Variants in PIGK observed in about 807,000 individuals in gnomAD.
The protein encoded by PIGK is phosphatidylinositol glycan anchor biosynthesis class K, also known as GPI-anchor transamidase.
PIGK carries 42 observed loss-of-function variants against 50.6 expected under a neutral mutation model. That is an observed-to-expected ratio of 0.83 (90% confidence interval 0.65 to 1.07). The LOEUF (loss-of-function observed/expected upper bound fraction) is 1.07, where lower values mean the gene tolerates loss of function less well. PIGK is among the 50% of genes least tolerant of loss of function. The pLI is 0.00. For missense variants in PIGK, 448 were observed against 488.7 expected (o/e 0.92, Z 0.78); for synonymous variants, 151 against 156.0 (o/e 0.97, Z 0.24).
intron 10 of PIGK, among the ~76,000 whole-genome samples, chr1:77,117,419 A>G (rs1454949638): frequency 6.6e-6 from 1 of 152,256 alleles, no homozygotes; most frequent in Non-Finnish European, 1.5e-5. Context: ...ACATCACTCC[A>G]TTGCTTTCTG....
At chr1:77,165,279 A>G (rs1484156181) in intron 5 of PIGK, among the ~76,000 whole-genome samples, 1 of 152,162 alleles carries the variant, frequency 6.6e-6, no homozygotes, top group African/African-American at 2.4e-5. Context: ...AAAAAACTGC[A>G]CTTCATCTTG....
chr1:77,156,864 G>C (rs969062848), intron 8 of PIGK, among the ~76,000 whole-genome samples: 2 of 152,156 alleles, frequency 1.3e-5, no homozygotes, highest in Admixed American at 6.5e-5. Context: ...TGGAGTGTAA[G>C]ATGAATATAA....
At chr1:77,197,607 T>G (rs1656065365) in intron 3 of PIGK, among the ~76,000 whole-genome samples, 1 of 152,226 alleles carries the variant, frequency 6.6e-6, no homozygotes, top group Admixed American at 6.5e-5. Context: ...TATTACTTCT[T>G]TGTTGGTTTG....
intron 3 of PIGK, among the ~76,000 whole-genome samples, chr1:77,175,666 A>G (rs1655468926): frequency 1.3e-5 from 2 of 152,176 alleles, no homozygotes; most frequent in African/African-American, 2.4e-5. Flanking sequence ...CTAAATGTTG[A>G]GCAAGTTGTG....
rs1341393489 is a variant in PIGK, at chr1:77,169,382, T to C, written c.253A>G (p.Met85Val). 1.9e-6 allele frequency: 3 copies of C among 1,594,534 alleles called. No homozygotes were observed. The highest frequency in any genetic ancestry group is 2.6e-6 in the Non-Finnish European group (3 of 1,173,590). The change falls in exon 4 of 11, where the codon ATG becomes GTG. Residue 85 changes from methionine to valine, a missense_variant. Coordinates refer to ENST00000370812, the MANE Select transcript of PIGK (RefSeq NM_005482.3). Reference protein sequence around the residue: ...LGIPDSHIVLMLADDMACNPR... With the variant: ...LGIPDSHIVLVLADDMACNPR... ...TTACAGGCCATATCATCTGCAAGCATTAGGACAATGTGACTAGGGAAAAAA... is the reference window on the plus strand; with the variant it reads ...TTACAGGCCATATCATCTGCAAGCACTAGGACAATGTGACTAGGGAAAAAA...
intron 9 of PIGK, among the ~76,000 whole-genome samples, chr1:77,124,637 A>G (rs1469956310): frequency 1.3e-5 from 2 of 151,572 alleles, no homozygotes; most frequent in Non-Finnish European, 2.9e-5. Context: ...AAAAACACAC[A>G]CACGCAGCAA....
At chr1:77,175,773 T>A (rs192461407) in intron 3 of PIGK, among the ~76,000 whole-genome samples, 1 of 152,118 alleles carries the variant, frequency 6.6e-6, no homozygotes, top group Non-Finnish European at 1.5e-5. Context: ...AAAGTGAACA[T>A]TTAAAAAAAA....
intron 10 of PIGK, among the ~76,000 whole-genome samples, chr1:77,110,738 A>G (rs1653821976): frequency 6.6e-6 from 1 of 152,234 alleles, no homozygotes; most frequent in Admixed American, 6.5e-5. Context: ...AGCAATGGCA[A>G]CAAAAGCAAA....
chr1:77,123,138 T>C (rs1654142304), intron 9 of PIGK, among the ~76,000 whole-genome samples: 1 of 152,114 alleles, frequency 6.6e-6, no homozygotes, highest in Non-Finnish European at 1.5e-5. Context: ...AACAGTAAAT[T>C]TAAAAACTTT....
chr1:77,135,901 A>G (rs972496926), intron 9 of PIGK, among the ~76,000 whole-genome samples: 1 of 152,134 alleles, frequency 6.6e-6, no homozygotes, highest in Admixed American at 6.5e-5. Context: ...TACTCCCCAA[A>G]TAATTATTGT....
chr1:77,174,279 G>C (rs537304756), intron 3 of PIGK, among the ~76,000 whole-genome samples: 3 of 152,310 alleles, frequency 2.0e-5, no homozygotes, highest in East Asian at 1.9e-4. Context: ...TAGAGGGCTA[G>C]AGTTAAAAGT....
chr1:77,099,734 C>T (rs1653500223), intron 10 of PIGK, among the ~76,000 whole-genome samples: 1 of 152,064 alleles, frequency 6.6e-6, no homozygotes, highest in South Asian at 2.1e-4. Flanking sequence ...AGTATAACTG[C>T]ATTTGAGGTA....
chr1:77,158,452 T>A (rs1655063013), intron 8 of PIGK, among the ~76,000 whole-genome samples: 1 of 152,232 alleles, frequency 6.6e-6, no homozygotes, highest in East Asian at 1.9e-4. Context: ...AATGTGGAAG[T>A]AACTTTGGTA....
Position 77,154,519 on chromosome 1 carries a change from T to G in PIGK, c.916A>C (p.Ser306Arg), listed in dbSNP as rs758950509. Residue 306 changes from serine (S) to arginine (R), a missense_variant, in exon 9 of 11, where the codon AGT (serine) becomes CGT (arginine). Physicochemically the swap from Ser to Arg is moderately radical, Grantham distance 110. Transcript: ENST00000370812. ...GTTGTAATTTCCACTTTCCGTACAC[T>G]TCCAAAGAAATCAGTTATCAGTACA... ...KNVLITDFFG[S>R]VRKVEITTET... 3.1e-6 allele frequency: 5 copies of G among 1,612,102 alleles called. No homozygotes were observed. The highest frequency in any genetic ancestry group is 3.4e-6 in the Non-Finnish European group (4 of 1,178,384).
chr1:77,099,067 G>T lies in PIGK; in HGVS notation c.1072-6577C>A, dbSNP rs539500631. 3.3e-5 allele frequency among the ~76,000 whole-genome samples: 5 copies of T among 152,030 alleles called. No individual in the cohort carries two copies. In the South Asian group the frequency reaches 1.0e-3, roughly 32 times the overall value. ...AAGGAATTCAGAAACGCTCACAAAGGTTTTCTTCTCAGTGGCTACATAATA... is the reference window on the plus strand; with the variant it reads ...AAGGAATTCAGAAACGCTCACAAAGTTTTTCTTCTCAGTGGCTACATAATA... On this transcript the variant is annotated intron_variant, in intron 10 of 10. Coordinates refer to ENST00000370812, the MANE Select transcript of PIGK (RefSeq NM_005482.3).
At chr1:77,144,489 T>A (rs921071012) in intron 9 of PIGK, among the ~76,000 whole-genome samples, 1 of 151,912 alleles carries the variant, frequency 6.6e-6, no homozygotes, top group African/African-American at 2.4e-5. Flanking sequence ...TGCTTTGACA[T>A]ATTTAAGAAT....
intron 10 of PIGK, among the ~76,000 whole-genome samples, chr1:77,115,890 G>A (rs7555676): frequency 1.1e-4 from 16 of 152,194 alleles, no homozygotes; most frequent in South Asian, 2.1e-4. Flanking sequence ...ATCTTGCAAC[G>A]TATTAATCTT....
intron 9 of PIGK, among the ~76,000 whole-genome samples, chr1:77,152,673 CAAAACAAA>C (rs373207542): frequency 0.015 from 2,184 of 150,226 alleles, 51 homozygotes; most frequent in African/African-American, 0.051. Flanking sequence ...CAAAACAAAA[CAAAACAAA>C]AAAACAAAAA....
intron 8 of PIGK, among the ~76,000 whole-genome samples, chr1:77,156,201 T>C (rs1655004644): frequency 6.6e-6 from 1 of 152,170 alleles, no homozygotes; most frequent in Non-Finnish European, 1.5e-5. Flanking sequence ...GAAGATCTCT[T>C]GGGTATTCCT....
Sources: allele counts gnomAD v4.1 joint callset (sites outside exome capture counted in the v4.1 genomes callset), GRCh38; gene constraint gnomAD v4.1.1; transcripts MANE v1.5; gene names NCBI Gene and HGNC (gene_info 2026-07-23, HGNC 2026-07-21).